SMARCC2: variants seen among roughly 807,000 people sequenced by gnomAD.
The protein encoded by SMARCC2 is SWI/SNF complex subunit SMARCC2.
Under a neutral mutation model 151.3 loss-of-function variants are expected in SMARCC2, and 15 were observed. The observed-to-expected ratio is 0.10, with a 90% confidence interval of 0.07 to 0.15. The LOEUF is 0.15. Among genes scored for constraint, SMARCC2 ranks in the 10% least tolerant of loss-of-function variants. The pLI, the probability that SMARCC2 is intolerant of heterozygous loss-of-function variation, is 1.00. For synonymous variants in SMARCC2, 590 were observed against 609.5 expected (o/e 0.97, Z 0.47); for missense variants, 1,031 against 1,599.7 (o/e 0.64, Z 6.06).
At chr12:56,178,655 G>A in intron 13 of SMARCC2, 121 bp from the exon 14 acceptor site, 1 of 1,499,258 alleles carries the variant, frequency 6.7e-7, no homozygotes, top group Admixed American at 1.7e-5. Context: ...AGCAGTCATG[G>A]GCCCCAGGAC....
chr12:56,184,897 C>G lies in SMARCC2; in HGVS notation c.439G>C (p.Glu147Gln). The G allele has an allele frequency of 6.2e-7, 1 of 1,613,544 alleles. No homozygotes were observed. The change falls in exon 5 of 29, where the codon GAA becomes CAA. Residue 147 changes from glutamate (E) to glutamine (Q), a missense_variant. Coordinates refer to ENST00000550164, the MANE Select transcript of SMARCC2 (RefSeq NM_001330288.2). ...TTCCCTAGTAGTTTGGGCTCAATTT[C>G]TGGGCACAGAAAAATGTTAGGTCGA... ...LSRPNIFLCP[E>Q]IEPKLLGKLK... is the part of the protein sequence containing the mutation.
chr12:56,173,326 G>A (rs771987706), intron 17 of SMARCC2, among the ~76,000 whole-genome samples: 14 of 151,796 alleles, frequency 9.2e-5, no homozygotes, highest in Admixed American at 2.0e-4. Flanking sequence ...TGGATGAAGT[G>A]GAAATGGAAA....
At chr12:56,170,105 T>G in intron 23 of SMARCC2, 39 bp downstream of exon 23, 2 of 1,574,450 alleles carry the variant, frequency 1.3e-6, no homozygotes, top group Non-Finnish European at 1.7e-6. Flanking sequence ...ACCACAGTGC[T>G]GCACGCAGCC....
intron 22 of SMARCC2, among the ~76,000 whole-genome samples, chr12:56,170,552 T>C (rs112083193): frequency 1.3e-5 from 2 of 151,428 alleles, no homozygotes; most frequent in Non-Finnish European, 2.9e-5. Flanking sequence ...CAGCCTCCTG[T>C]GTATCTGGGG....
chr12:56,169,988 G>A, intron 23 of SMARCC2, 77 bp from the exon 24 acceptor site: 3 of 1,485,858 alleles, frequency 2.0e-6, no homozygotes, highest in Non-Finnish European at 2.8e-6. Flanking sequence ...GCCAGACGGG[G>A]AACTAAATTT....
chr12:56,177,100 C>G (rs547879809), intron 15 of SMARCC2, among the ~76,000 whole-genome samples: 2 of 152,284 alleles, frequency 1.3e-5, no homozygotes, highest in East Asian at 3.9e-4. Flanking sequence ...GGATTACAGG[C>G]ATGAGCCACC....
Position 56,164,710 on chromosome 12 carries a change from T to C in SMARCC2, c.3254A>G (p.Gln1085Arg), listed in dbSNP as rs1473605571. The C allele has an allele frequency of 1.2e-6, 2 of 1,610,470 alleles. No homozygotes were observed. The highest frequency in any genetic ancestry group is 1.7e-6 in the Non-Finnish European group (2 of 1,178,334). ...TGGCATCATTGAGGGAGGAGTTTGT[T>C]GGTTGGGGAACGGTGAGGGGCCTGA... ...GPHGPSPFPNQQTPPSMMPGA... is the reference protein window; with the variant it reads ...GPHGPSPFPNRQTPPSMMPGA... Residue 1085 changes from glutamine to arginine, a missense_variant, in exon 28 of 29, where the codon CAA becomes CGA. Physicochemically the swap from Gln to Arg is conservative, Grantham distance 43. Coordinates refer to ENST00000550164, the MANE Select transcript of SMARCC2 (RefSeq NM_001330288.2).
Position 56,172,516 on chromosome 12 carries a change from G to A in SMARCC2, c.1864-26C>T, listed in dbSNP as rs1874142185. ...CTGCAGGGGAAACACAGGCAGGTGA[G>A]AAGAAAGGAGCCTGTGACCTCTGAG... is the stretch of plus-strand genomic sequence containing the variant. On this transcript the variant is annotated intron_variant, in intron 19 of 28. Coordinates refer to ENST00000550164, the MANE Select transcript of SMARCC2 (RefSeq NM_001330288.2). The A allele has an allele frequency of 2.5e-6, 4 of 1,609,092 alleles. No individual in the cohort carries two copies. The South Asian group carries it at 4.4e-5, about 18-fold the overall frequency.
chr12:56,167,310 T>C (rs1453805128), intron 26 of SMARCC2, among the ~76,000 whole-genome samples: 4 of 152,172 alleles, frequency 2.6e-5, no homozygotes, highest in African/African-American at 7.2e-5. Context: ...ATCACACCAT[T>C]GCACTCCAGC....
chr12:56,173,590 A>C, intron 17 of SMARCC2, 106 bp downstream of exon 17: 1 of 1,007,858 alleles, frequency 9.9e-7, no homozygotes, highest in East Asian at 2.4e-5. Flanking sequence ...GAAAAGGAAG[A>C]AGCCTCAAAA....
At chr12:56,188,774 T>C (rs1014941899) in intron 1 of SMARCC2, among the ~76,000 whole-genome samples, 3 of 152,134 alleles carry the variant, frequency 2.0e-5, no homozygotes, top group Non-Finnish European at 4.4e-5. Flanking sequence ...AGAGATTCTG[T>C]TGCCCCTTAG....
At chr12:56,168,030 CAGCAGGGT>C in intron 26 of SMARCC2, 22 bp downstream of exon 26, 1 of 1,609,774 alleles carries the variant, frequency 6.2e-7, no homozygotes, top group Non-Finnish European at 8.5e-7. Context: ...AGGCACAGCG[CAGCAGGGT>C]TCCAGGGCTC....
chr12:56,186,090 C>T, intron 3 of SMARCC2, 65 bp downstream of exon 3: 4 of 1,144,086 alleles, frequency 3.5e-6, no homozygotes, highest in Non-Finnish European at 5.3e-6. Context: ...AGAAAGATCC[C>T]AGGGAATCAA....
Position 56,184,883 on chromosome 12 carries a change from T to G in SMARCC2, c.453A>C (p.Lys151Asn). The G allele has an allele frequency of 6.2e-7, 1 of 1,613,124 alleles. No homozygotes were observed. Among genetic ancestry groups the G allele is most frequent in the Non-Finnish European group, 8.5e-7 (1 of 1,179,170 alleles). ...TAATGTCCTTTAATTTCCCTAGTAG[T>G]TTGGGCTCAATTTCTGGGCACAGAA... ...NIFLCPEIEP[K>N]LLGKLKDIIK... Residue 151 changes from lysine to asparagine, a missense_variant, in exon 5 of 29, where the codon AAA becomes AAC. Lys to Asn is a moderately conservative substitution (Grantham distance 94). Around this residue, in one of 12 missense-constraint regions of SMARCC2, gnomAD observed 123 missense variants for 190.4 expected, o/e 0.65. Coordinates refer to ENST00000550164, the MANE Select transcript of SMARCC2 (RefSeq NM_001330288.2).
intron 2 of SMARCC2, chr12:56,186,939 G>A (rs763494874): frequency 1.8e-4 from 59 of 331,612 alleles, no homozygotes; most frequent in South Asian, 4.1e-4. Context: ...ACCATGCCAT[G>A]AGAGACCTGT....
chr12:56,168,043 G>A lies in SMARCC2; in HGVS notation c.2850+17C>T. On this transcript the variant is annotated intron_variant, in intron 26 of 28. Transcript: ENST00000550164. ...TGAGGCACAGCGCAGCAGGGTTCCA[G>A]GGCTCCTGCTACTCACTGCTTCTCG... The A allele has an allele frequency of 6.2e-7, 1 of 1,612,532 alleles. No individual in the cohort carries two copies. Among genetic ancestry groups the A allele is most frequent in the Non-Finnish European group, 8.5e-7 (1 of 1,179,742 alleles).
chr12:56,181,227 A>G (rs1428181171), intron 10 of SMARCC2, 126 bp from the exon 11 acceptor site: 2 of 925,698 alleles, frequency 2.2e-6, no homozygotes, highest in African/African-American at 3.3e-5. Context: ...AACAGAAACC[A>G]GTAATCACAC....
chr12:56,178,764 A>G, intron 13 of SMARCC2, 46 bp downstream of exon 13: 1 of 1,590,800 alleles, frequency 6.3e-7, no homozygotes, highest in Admixed American at 1.7e-5. Flanking sequence ...TATAATCACA[A>G]ATCAGAATCA....
chr12:56,174,818 G>A, intron 15 of SMARCC2, 54 bp from the exon 16 acceptor site: 1 of 1,179,294 alleles, frequency 8.5e-7, no homozygotes, highest in Non-Finnish European at 1.3e-6. Flanking sequence ...GTTTGTTAAA[G>A]GGCTAAAGGA....
Sources: gnomAD v4.1 joint callset for allele counts (sites outside exome capture counted in the v4.1 genomes callset) on GRCh38, gnomAD v4.1.1 for gene constraint, gnomAD v4.1.1 regional missense constraint, MANE v1.5 for transcripts, NCBI Gene and HGNC (gene_info 2026-07-23, HGNC 2026-07-21) for gene names.